The following GRIN2C variants were observed in gnomAD, a reference collection of about 807,000 sequenced individuals.
The protein encoded by GRIN2C is glutamate ionotropic receptor NMDA type subunit 2C.
Under a neutral mutation model 77.7 loss-of-function variants are expected in GRIN2C, and 64 were observed. That is an observed-to-expected ratio of 0.82 (90% confidence interval 0.67 to 1.01). The LOEUF (loss-of-function observed/expected upper bound fraction) is 1.01, where lower values mean the gene tolerates loss of function less well. GRIN2C is among the 50% of genes least tolerant of loss of function. The probability of loss-of-function intolerance (pLI) is 0.00; values close to 1 mark genes in which losing one functional copy is unlikely to be tolerated. For missense variants in GRIN2C, 1,549 were observed against 1,486.0 expected, an observed-to-expected ratio of 1.04 and a Z score of -0.70; for synonymous variants, 792 against 643.4, an observed-to-expected ratio of 1.23 and a Z score of -3.49.
At position 74,850,526 on chromosome 17, in the gene GRIN2C, C is replaced by T; in HGVS notation, c.1325+30G>A. 1 of 1,606,048 alleles carries T rather than the reference C, an allele frequency of 6.2e-7. No homozygotes were observed. The highest frequency in any genetic ancestry group is 8.5e-7 in the Non-Finnish European group (1 of 1,173,462). Reference sequence around the variant, plus strand: ...GACCATCACACGGCAGCACCCAGCTCACACTAGCCTCCCAGGGCCCTCCAC... The same window carrying T: ...GACCATCACACGGCAGCACCCAGCTTACACTAGCCTCCCAGGGCCCTCCAC... On this transcript the variant is annotated intron_variant, in intron 5 of 12. Coordinates refer to ENST00000293190, the MANE Select transcript of GRIN2C (RefSeq NM_000835.6). The surrounding 1 kb of genome is among the most constrained non-coding windows in gnomAD (Gnocchi z 5.3).
Position 74,842,887 on chromosome 17 carries a change from T to TG in GRIN2C, c.3249dup (p.Ser1084GlnfsTer195), listed in dbSNP as rs2037335785. 12 of 560,886 alleles carry TG rather than the reference T, an allele frequency of 2.1e-5. No homozygotes were observed. The South Asian group carries it at 2.6e-4, about 12-fold the overall frequency. 34.7% of individuals were successfully genotyped at this position (560,886 alleles called of 1,614,324 possible). A position where few individuals can be genotyped will look rare whatever the true frequency, so the allele number is the denominator to read the frequency against. ...CGAGCGAAGGCCTCGGCCACGGAGC[T>TG]GGGCAGGGAAGCGTGACGCGGGCGC... On this transcript the variant is annotated frameshift_variant, in exon 13 of 13. Coordinates refer to ENST00000293190, the MANE Select transcript of GRIN2C (RefSeq NM_000835.6). LOFTEE classifies it low-confidence loss of function (END_TRUNC).
At chr17:74,861,048 A>G (rs1190087930), upstream of GRIN2C, among the ~76,000 whole-genome samples, 1 of 152,036 alleles carries the variant, frequency 6.6e-6, no homozygotes, top group Non-Finnish European at 1.5e-5. Flanking sequence ...TTCCAGCAGC[A>G]ACAGTTTGGG....
upstream of GRIN2C, chr17:74,860,540 C>T: frequency 2.2e-6 from 1 of 455,150 alleles, no homozygotes; most frequent in Non-Finnish European, 4.4e-6. Context: ...CCCGCGTAGG[C>T]AGGAAACAGG....
chr17:74,861,514 G>A (rs1440377952), upstream of GRIN2C: 3 of 151,474 alleles, frequency 2.0e-5, no homozygotes, highest in Admixed American at 1.3e-4. Context: ...GGCCCCGGAG[G>A]GCTGGCGCGC....
Position 74,849,921 on chromosome 17 carries a change from G to A in GRIN2C, c.1504C>T (p.Arg502Trp), listed in dbSNP as rs563450892. The change falls in exon 7 of 13, where the codon CGG (arginine) becomes TGG (tryptophan). Residue 502 changes from arginine (R) to tryptophan (W), a missense_variant. Coordinates refer to ENST00000293190, the MANE Select transcript of GRIN2C (RefSeq NM_000835.6). The surrounding 1 kb of genome is among the most constrained non-coding windows in gnomAD (Gnocchi z 4.6). ...NGMIGEVYYK[R>W]ADMAIGSLTI... Reference sequence around the variant, plus strand: ...AGGGAGCCGATGGCCATGTCTGCCCGCTTGTAGTACACCTGGGGGCCGGAC... The same window carrying A: ...AGGGAGCCGATGGCCATGTCTGCCCACTTGTAGTACACCTGGGGGCCGGAC... 3.8e-5 allele frequency: 61 copies of A among 1,612,880 alleles called. No homozygotes were observed. In the South Asian group the frequency reaches 4.9e-4, roughly 13 times the overall value.
intron 1 of GRIN2C, among the ~76,000 whole-genome samples, chr17:74,856,477 CTCTCT>C (rs1384508576): frequency 1.1e-5 from 1 of 88,274 alleles, no homozygotes; most frequent in Non-Finnish European, 2.5e-5. Flanking sequence ...ATTTCTCTCT[CTCTCT>C]TTTTTTTTTT....
Position 74,844,325 on chromosome 17 carries a change from TG to T in GRIN2C, c.2533del (p.His845ThrfsTer60), listed in dbSNP as rs2037391130. On this transcript the variant is annotated frameshift_variant, in exon 12 of 13. Transcript: ENST00000293190. LOFTEE classifies it low-confidence loss of function (END_TRUNC). ...WEHLVYWKLR[H>X]SVPNSSQLDF... ...CAGCTGGGATGAGTTGGGCACCGAGTGGCGCAGCTTCCAGTAGACCAGGTGC... is the reference window on the plus strand; with the variant it reads ...CAGCTGGGATGAGTTGGGCACCGAGTGCGCAGCTTCCAGTAGACCAGGTGC... The T allele has an allele frequency of 1.2e-6, 2 of 1,613,898 alleles. No homozygotes were observed. Among genetic ancestry groups the T allele is most frequent in the African/African-American group, 1.3e-5 (1 of 74,858 alleles).
chr17:74,860,683 C>A (rs897500380), upstream of GRIN2C: 1 of 353,210 alleles, frequency 2.8e-6, no homozygotes, highest in South Asian at 2.1e-5. Context: ...CCTACCCTTC[C>A]CTTTGCGCTC....
In GRIN2C at chr17:74,843,499, C is replaced by G; in HGVS notation, c.2638G>C (p.Ala880Pro). ...GAGCTGGCCGTGAGGTCCGGGCTGG[C>G]CTGCCGCGGTGGGCTGGCGAGGCTC... ...VQSLASPPRQ[A>P]SPDLTASSAQ... The change falls in exon 13 of 13, where the codon GCC becomes CCC. Residue 880 changes from alanine to proline, a missense_variant. Ala to Pro is a conservative substitution (Grantham distance 27). Coordinates refer to ENST00000293190, the MANE Select transcript of GRIN2C (RefSeq NM_000835.6). The G allele has an allele frequency of 3.9e-6, 6 of 1,533,764 alleles. No homozygotes were observed. The highest frequency in any genetic ancestry group is 5.2e-6 in the Non-Finnish European group (6 of 1,146,462).
chr17:74,851,993 T>C lies in GRIN2C; in HGVS notation c.998+20A>G. ...AGCGCTCCCCACCTCCCTACCCCTA[T>C]GCCCCGGGCAGGTGCCCACCTGTAG... is the stretch of plus-strand genomic sequence containing the variant. On this transcript the variant is annotated intron_variant, in intron 3 of 12. Coordinates refer to ENST00000293190, the MANE Select transcript of GRIN2C (RefSeq NM_000835.6). 6.9e-7 allele frequency: 1 copy of C among 1,458,828 alleles called. No homozygotes were observed. The highest frequency in any genetic ancestry group is 9.1e-7 in the Non-Finnish European group (1 of 1,101,148). 90.4% of individuals were successfully genotyped at this position (1,458,828 alleles called of 1,614,324 possible). A position where few individuals can be genotyped will look rare whatever the true frequency, so the allele number is the denominator to read the frequency against.
At chr17:74,845,508 G>C (rs568034113) in intron 11 of GRIN2C, among the ~76,000 whole-genome samples, 40 of 150,726 alleles carry the variant, frequency 2.7e-4, no homozygotes, top group African/African-American at 9.3e-4. Context: ...GACTTCAAGT[G>C]ATCCTCCCAC....
upstream of GRIN2C, chr17:74,860,663 GCC>G (rs2037930582): frequency 5.5e-6 from 2 of 366,348 alleles, no homozygotes; most frequent in African/African-American, 4.3e-5. Context: ...CTCGCCCAGT[GCC>G]CTCTCTGCCT....
intron 4 of GRIN2C, 191 bp downstream of exon 4, chr17:74,851,386 G>C: frequency 3.5e-6 from 2 of 573,860 alleles, no homozygotes; most frequent in Non-Finnish European, 6.3e-6. Flanking sequence ...TGGGAGCCCA[G>C]AGCAGGGCAC....
chr17:74,857,622 T>C (rs1171629275), intron 1 of GRIN2C, among the ~76,000 whole-genome samples: 1 of 152,162 alleles, frequency 6.6e-6, no homozygotes, highest in Non-Finnish European at 1.5e-5. Flanking sequence ...CTCTGTCTGC[T>C]CACCTCTGCC....
rs958568011 is a variant in GRIN2C, at chr17:74,850,586, G to A, written c.1295C>T (p.Pro432Leu). The change falls in exon 5 of 13, where the codon CCC becomes CTC. Residue 432 changes from proline (P) to leucine (L), a missense_variant. Transcript: ENST00000293190. This position sits in a 1 kb window ranked among gnomAD's most constrained non-coding sequence, Gnocchi z 5.3. ...GTGGCVPNTVPCRRQSNHTFS... is the reference protein window; with the variant it reads ...GTGGCVPNTVLCRRQSNHTFS... ...GGTGTGGTTGCTCTGCCTGCGGCAG[G>A]GCACGGTGTTGGGGACACAGCCTCC... 3 of 1,613,452 alleles carry A rather than the reference G, an allele frequency of 1.9e-6. No homozygotes were observed. The African/African-American group carries it at 4.0e-5, about 22-fold the overall frequency.
rs1280675216 is a variant in GRIN2C, at chr17:74,849,066, G to A, written c.1645+714C>T. Among the ~76,000 whole-genome samples the A allele has an allele frequency of 6.6e-6, 1 of 151,572 alleles. No homozygotes were observed. Among genetic ancestry groups the A allele is most frequent in the Non-Finnish European group, 1.5e-5 (1 of 67,798 alleles). On this transcript the variant is annotated intron_variant, in intron 7 of 12. Coordinates refer to ENST00000293190, the MANE Select transcript of GRIN2C (RefSeq NM_000835.6). This position sits in a 1 kb window ranked among gnomAD's most constrained non-coding sequence, Gnocchi z 4.6. Reference sequence around the variant, plus strand: ...GAAAGGAAGAGTGGGAAGGAGAGAGGGAGGGAGGGAGGGAAATCAATCCTG... The same window carrying A: ...GAAAGGAAGAGTGGGAAGGAGAGAGAGAGGGAGGGAGGGAAATCAATCCTG...
At position 74,843,024 on chromosome 17, in the gene GRIN2C, G is replaced by A; in HGVS notation, c.3113C>T (p.Ser1038Phe). 1 of 492,544 alleles carries A rather than the reference G, an allele frequency of 2.0e-6. No individual in the cohort carries two copies. Among genetic ancestry groups the A allele is most frequent in the Non-Finnish European group, 3.6e-6 (1 of 276,298 alleles). 30.5% of individuals were successfully genotyped at this position (492,544 alleles called of 1,614,324 possible). A position where few individuals can be genotyped will look rare whatever the true frequency, so the allele number is the denominator to read the frequency against. ...HYSSFPRADR[S>F]GRPFLPLFPE... Reference sequence around the variant, plus strand: ...GAAGAGCGGGAGGAAGGGGCGGCCGGATCGGTCGGCTCGAGGAAAGGAGCT... The same window carrying A: ...GAAGAGCGGGAGGAAGGGGCGGCCGAATCGGTCGGCTCGAGGAAAGGAGCT... Residue 1038 changes from serine (S) to phenylalanine (F), a missense_variant, in exon 13 of 13, where the codon TCC becomes TTC. By Grantham distance (155) the Ser-to-Phe change is radical (BLOSUM62 -2). This residue lies in a region of GRIN2C where 450 missense variants were observed against 267.9 expected (regional missense o/e 1.68). Coordinates refer to ENST00000293190, the MANE Select transcript of GRIN2C (RefSeq NM_000835.6).
chr17:74,850,467 C>T lies in GRIN2C; in HGVS notation c.1325+89G>A. On this transcript the variant is annotated intron_variant, in intron 5 of 12. Transcript: ENST00000293190. This position sits in a 1 kb window ranked among gnomAD's most constrained non-coding sequence, Gnocchi z 5.3. Reference sequence around the variant, plus strand: ...CTCCAGCCTGGCACGTGGACCCCTGCCCCACACCCAAGCATGGGACATACA... The same window carrying T: ...CTCCAGCCTGGCACGTGGACCCCTGTCCCACACCCAAGCATGGGACATACA... 2 of 1,561,004 alleles carry T rather than the reference C, an allele frequency of 1.3e-6. No individual in the cohort carries two copies. The highest frequency in any genetic ancestry group is 1.1e-5 in the South Asian group (1 of 89,870).
At chr17:74,855,386 C>A (rs1356900634) in intron 1 of GRIN2C, among the ~76,000 whole-genome samples, 1 of 152,180 alleles carries the variant, frequency 6.6e-6, no homozygotes, top group African/African-American at 2.4e-5. Flanking sequence ...TCTACTGATG[C>A]CTTCCAAAAC....
Sources: gnomAD v4.1 joint callset for allele counts (sites outside exome capture counted in the v4.1 genomes callset) on GRCh38, gnomAD v4.1.1 for gene constraint, gnomAD v4.1.1 regional missense constraint, Gnocchi (gnomAD v3.1) non-coding constraint, MANE v1.5 for transcripts, NCBI Gene and HGNC (gene_info 2026-07-23, HGNC 2026-07-21) for gene names.